AHNAK2: variants seen among roughly 807,000 people sequenced by gnomAD.
AHNAK2 encodes the protein AHNAK nucleoprotein 2.
A neutral mutation model predicts 30.7 loss-of-function variants in AHNAK2; 18 were observed. The ratio of observed to expected loss-of-function variants is 0.59; its 90% CI spans 0.41 to 0.87. The LOEUF (loss-of-function observed/expected upper bound fraction) is 0.87, where lower values mean the gene tolerates loss of function less well. AHNAK2 is among the 40% of genes least tolerant of loss of function. AHNAK2 has a pLI of 0.00. For missense variants in AHNAK2, 8,604 were observed against 7,373.0 expected (o/e 1.17, Z -6.11); for synonymous variants, 3,590 against 3,073.8 (o/e 1.17, Z -5.56).
Position 104,949,560 on chromosome 14 carries a change from T to C in AHNAK2, c.5891A>G (p.Lys1964Arg), listed in dbSNP as rs1402768664. 16 of 1,588,332 alleles carry C rather than the reference T, an allele frequency of 1.0e-5. 4 individuals are homozygous for C. The highest frequency in any genetic ancestry group is 1.4e-5 in the Non-Finnish European group (16 of 1,163,214). The change falls in exon 7 of 7, where the codon AAG (lysine) becomes AGG (arginine). Residue 1964 changes from lysine to arginine, a missense_variant. Coordinates refer to ENST00000333244, the MANE Select transcript of AHNAK2 (RefSeq NM_138420.4). ...TCCCTCCAGCCGCGCACCATCCAGC[T>C]TAGCCTTCTGGGCCTGGACATCCAC... ...MEVDVQAQKA[K>R]LDGARLEGDL...
Position 104,978,372 on chromosome 14 carries a change from A to G in AHNAK2, c.-135T>C. ...CGCTGCCGCGGGCGGCCGACCTCGGACTGCGGACACCGCGCGCCAGGCTAC... is the reference window on the plus strand; with the variant it reads ...CGCTGCCGCGGGCGGCCGACCTCGGGCTGCGGACACCGCGCGCCAGGCTAC... On this transcript the variant is annotated 5_prime_UTR_variant, in exon 1 of 7. Transcript: ENST00000333244. 2.0e-6 allele frequency: 1 copy of G among 505,552 alleles called. No homozygotes were observed. The highest frequency in any genetic ancestry group is 2.6e-6 in the Non-Finnish European group (1 of 384,494). 31.3% of individuals were successfully genotyped at this position (505,552 alleles called of 1,614,324 possible). A position where few individuals can be genotyped will look rare whatever the true frequency, so the allele number is the denominator to read the frequency against.
At chr14:104,969,229 A>G (rs1342123393) in intron 1 of AHNAK2, among the ~76,000 whole-genome samples, 1 of 152,202 alleles carries the variant, frequency 6.6e-6, no homozygotes, top group East Asian at 1.9e-4. Flanking sequence ...TCCAGCAGCC[A>G]TTCCCCACTG....
rs747782595 is a variant in AHNAK2 at position 104,953,484 on chromosome 14, C to G, written c.1967G>C (p.Arg656Pro). 1.2e-6 allele frequency: 2 copies of G among 1,613,930 alleles called. No individual in the cohort carries two copies. Among genetic ancestry groups the G allele is most frequent in the East Asian group, 4.5e-5 (2 of 44,892 alleles). ...TGTCAGAATTTGTTCCTTTTTTAAG[C>G]GTTTTTCATCGTGTATTAGTTGTAT... ...TKIQLIHDEKRLKKEQILTEK... is the reference protein window; with the variant it reads ...TKIQLIHDEKPLKKEQILTEK... The change falls in exon 7 of 7, where the codon CGC (arginine) becomes CCC (proline). Residue 656 changes from arginine (R) to proline (P), a missense_variant. Physicochemically the swap from Arg to Pro is moderately radical, Grantham distance 103. Transcript: ENST00000333244.
intron 1 of AHNAK2, among the ~76,000 whole-genome samples, chr14:104,973,220 C>A (rs1403880982): frequency 6.6e-6 from 1 of 152,226 alleles, no homozygotes; most frequent in Non-Finnish European, 1.5e-5. Flanking sequence ...TCCCGTGATG[C>A]GCACTGAACA....
chr14:104,950,034 T>G lies in AHNAK2; in HGVS notation c.5417A>C (p.Glu1806Ala). ...PGAKLDSVRL[E>A]GDLSLADKDV... ...CTTGTCGGCCAGGGACAGGTCACCCTCCAGCCGCACACTGTCCAGCTTGGC... is the reference window on the plus strand; with the variant it reads ...CTTGTCGGCCAGGGACAGGTCACCCGCCAGCCGCACACTGTCCAGCTTGGC... The change falls in exon 7 of 7, where the codon GAG becomes GCG. Residue 1806 changes from glutamate to alanine, a missense_variant. By Grantham distance (107) the Glu-to-Ala change is moderately radical (BLOSUM62 -1). Coordinates refer to ENST00000333244, the MANE Select transcript of AHNAK2 (RefSeq NM_138420.4). The G allele has an allele frequency of 6.3e-7, 1 of 1,586,976 alleles. No individual in the cohort carries two copies.
intron 1 of AHNAK2, among the ~76,000 whole-genome samples, chr14:104,967,377 G>A (rs1173196782): frequency 1.3e-5 from 2 of 152,240 alleles, no homozygotes; most frequent in Non-Finnish European, 2.9e-5. Context: ...CACGGTCAAG[G>A]GCCCCTGAGC....
At chr14:104,967,955 G>C (rs74809562) in intron 1 of AHNAK2, among the ~76,000 whole-genome samples, 9,667 of 152,272 alleles carry the variant, frequency 0.063, 480 homozygotes, top group African/African-American at 0.14. Context: ...TTGCCCGCCC[G>C]GCCTCCGGTT....
In AHNAK2 at chr14:104,939,049, G is replaced by A; in HGVS notation, c.16402C>T (p.Gln5468Ter). 1 of 1,606,922 alleles carries A rather than the reference G, an allele frequency of 6.2e-7. No homozygotes were observed. The highest frequency in any genetic ancestry group is 8.5e-7 in the Non-Finnish European group (1 of 1,176,638). ...TCTTGACTTTCAACCTGAGCACCCTGAATATGCACTCTGACCTTTGAAATT... is the reference window on the plus strand; with the variant it reads ...TCTTGACTTTCAACCTGAGCACCCTAAATATGCACTCTGACCTTTGAAATT... ...PPISKVRVHI[Q>*]GAQVESQEVT... Residue 5468 changes from glutamine (Q) to a stop codon, truncating the protein, a stop_gained, in exon 7 of 7, where the codon CAG (glutamine) becomes TAG (stop). Transcript: ENST00000333244. LOFTEE classifies it low-confidence loss of function (END_TRUNC).
At position 104,940,385 on chromosome 14, in the gene AHNAK2, G is replaced by A; in HGVS notation, c.15066C>T (p.Ala5022=). 2.5e-6 allele frequency: 4 copies of A among 1,613,898 alleles called. No homozygotes were observed. Among genetic ancestry groups the A allele is most frequent in the Non-Finnish European group, 3.4e-6 (4 of 1,179,886 alleles). Residue 5022 remains alanine, a synonymous_variant, in exon 7 of 7, where the codon GCC becomes GCT. Coordinates refer to ENST00000333244, the MANE Select transcript of AHNAK2 (RefSeq NM_138420.4). The surrounding 1 kb of genome is among the most constrained non-coding windows in gnomAD (Gnocchi z 4.4). ...TTTTGGGAAGTGCAAGTTTTGGCATGGCAAAGCCAGGCTTTGTGCTCCTCC... is the reference window on the plus strand; with the variant it reads ...TTTTGGGAAGTGCAAGTTTTGGCATAGCAAAGCCAGGCTTTGTGCTCCTCC... ...EKGRSTKPGF[A]MPKLALPKMK... is the part of the protein sequence containing the mutation.
rs760910844 is a variant in AHNAK2 at position 104,944,417 on chromosome 14, C to T, written c.11034G>A (p.Gln3678=). 1.2e-6 allele frequency: 2 copies of T among 1,612,936 alleles called. No homozygotes were observed. Among genetic ancestry groups the T allele is most frequent in the Admixed American group, 1.7e-5 (1 of 59,940 alleles). The change falls in exon 7 of 7, where the codon CAG becomes CAA. Residue 3678 remains glutamine (Q), a synonymous_variant. Transcript: ENST00000333244. The stretch of plus-strand genomic sequence containing the variant: ...TGAGGTCAGTGGTCTTCAGGTCCCC[C>T]TGCATGGAGGGGAGACTCACATCGG... ...VEADVSLPSM[Q]GDLKTTDLSI...
In AHNAK2 at chr14:104,956,616, C is replaced by T. The variant is rs762387018; in HGVS notation, c.287G>A (p.Arg96Gln). 6 of 1,613,766 alleles carry T rather than the reference C, an allele frequency of 3.7e-6. No individual in the cohort carries two copies. Among genetic ancestry groups the T allele is most frequent in the African/African-American group, 2.7e-5 (2 of 74,914 alleles). ...SWWKRDSGDS[R>Q]TFFRMSRPEA... ...TGGACGACTCATCCTGAAAAATGTC[C>T]GTGAGTCCCCTGAATCTCGCTTCCA... is the stretch of plus-strand genomic sequence containing the variant. The change falls in exon 4 of 7, where the codon CGG becomes CAG. Residue 96 changes from arginine to glutamine, a missense_variant. Arg to Gln is a conservative substitution (Grantham distance 43, BLOSUM62 1). Coordinates refer to ENST00000333244, the MANE Select transcript of AHNAK2 (RefSeq NM_138420.4).
chr14:104,956,496 C>A, intron 4 of AHNAK2, 92 bp downstream of exon 4: 1 of 1,338,028 alleles, frequency 7.5e-7, no homozygotes, highest in Non-Finnish European at 1.1e-6. Context: ...AGCCTCTTTG[C>A]TCCTCCCCTG....
Position 104,954,005 on chromosome 14 carries a change from A to G in AHNAK2, c.1446T>C (p.Ile482=). Residue 482 remains isoleucine (I), a synonymous_variant, in exon 7 of 7, where the codon ATT becomes ATC. Transcript: ENST00000333244. The surrounding 1 kb of genome is among the most constrained non-coding windows in gnomAD (Gnocchi z 4.3). ...TCTTTAAATCGTGTACTCGCACCCT[A>G]ATTTCTGGTGGGCCAATCTGTGTGC... is the stretch of plus-strand genomic sequence containing the variant. The part of the protein sequence containing the change: ...EGGTQIGPPE[I]RVRVHDLKTP... 1 of 1,613,590 alleles carries G rather than the reference A, an allele frequency of 6.2e-7. No homozygotes were observed. The highest frequency in any genetic ancestry group is 8.5e-7 in the Non-Finnish European group (1 of 1,179,850).
intron 1 of AHNAK2, among the ~76,000 whole-genome samples, chr14:104,977,692 C>T (rs1899629899): frequency 6.6e-6 from 1 of 152,170 alleles, no homozygotes; most frequent in South Asian, 2.1e-4. Context: ...GCTGCTCTCC[C>T]GCAAAGCAGG....
chr14:104,943,077 T>TGC lies in AHNAK2; in HGVS notation c.12373_12374insGC (p.Asp4125GlyfsTer3), dbSNP rs757500277. 1.6e-3 allele frequency: 2,639 copies of TGC among 1,611,668 alleles called. 12 individuals are homozygous for TGC. Among genetic ancestry groups the TGC allele is most frequent in the South Asian group, 2.7e-3 (245 of 90,968 alleles). ...GAACTTGCTGTCTTTGGCAGTCACA[T>TGC]CCTTGTCGGCCAGGGACAGGTCCCC... On this transcript the variant is annotated frameshift_variant, in exon 7 of 7. Transcript: ENST00000333244. LOFTEE classifies it low-confidence loss of function (END_TRUNC).
Position 104,941,745 on chromosome 14 carries a change from T to C in AHNAK2, c.13706A>G (p.Lys4569Arg), listed in dbSNP as rs1453356852. The C allele has an allele frequency of 6.2e-7, 1 of 1,613,654 alleles. No individual in the cohort carries two copies. Residue 4569 changes from lysine to arginine, a missense_variant, in exon 7 of 7, where the codon AAG (lysine) becomes AGG (arginine). Transcript: ENST00000333244. ...GCCTTTCAGGTCCAGCTTGGGGCCC[T>C]TGACGTCCACCTGGGGGCCCTTGAG... is the stretch of plus-strand genomic sequence containing the variant. ...VDLKGPQVDV[K>R]GPKLDLKGPK...
Position 104,954,990 on chromosome 14 carries a change from A to G in AHNAK2, c.618T>C (p.Asp206=). The part of the protein sequence containing the change: ...APQDEEWASS[D]AQHGPQGKEK... ...CCTTGCCCTGTGGGCCGTGCTGGGC[A>G]TCGCTGGAAGCCCACTCTTCATCCT... is the stretch of plus-strand genomic sequence containing the variant. The change falls in exon 6 of 7, where the codon GAT becomes GAC. Residue 206 remains aspartate, a synonymous_variant. Transcript: ENST00000333244. The surrounding 1 kb of genome is among the most constrained non-coding windows in gnomAD (Gnocchi z 4.3). 1 of 1,613,526 alleles carries G rather than the reference A, an allele frequency of 6.2e-7. No homozygotes were observed. The highest frequency in any genetic ancestry group is 8.5e-7 in the Non-Finnish European group (1 of 1,179,842).
At position 104,943,995 on chromosome 14, in the gene AHNAK2, C is replaced by T. The variant is rs200880259; in HGVS notation, c.11456G>A (p.Gly3819Asp). 5.6e-6 allele frequency: 9 copies of T among 1,612,358 alleles called. No individual in the cohort carries two copies. In the South Asian group the frequency reaches 9.9e-5, roughly 18 times the overall value. Residue 3819 changes from glycine to aspartate, a missense_variant, in exon 7 of 7, where the codon GGC becomes GAC. Transcript: ENST00000333244. ...GTGCACCGAGGCCTCAATGGACTTGCCTGGGGCAGACACCCCAAATGACGG... is the reference window on the plus strand; with the variant it reads ...GTGCACCGAGGCCTCAATGGACTTGTCTGGGGCAGACACCCCAAATGACGG... Reference protein sequence around the residue: ...KMPSFGVSAPGKSIEASVHVS... With the variant: ...KMPSFGVSAPDKSIEASVHVS...
intron 1 of AHNAK2, among the ~76,000 whole-genome samples, 190 bp from the exon 2 acceptor site, chr14:104,957,862 G>T (rs117133514): frequency 1.3e-5 from 2 of 152,188 alleles, no homozygotes; most frequent in African/African-American, 2.4e-5. Context: ...GAGGCATCAC[G>T]TCAGGTAGCA....
Sources: gnomAD v4.1 joint callset for allele counts (sites outside exome capture counted in the v4.1 genomes callset) on GRCh38, gnomAD v4.1.1 for gene constraint, Gnocchi (gnomAD v3.1) non-coding constraint, MANE v1.5 for transcripts, NCBI Gene and HGNC (gene_info 2026-07-23, HGNC 2026-07-21) for gene names.